Variants in GPC2 observed in about 807,000 individuals in gnomAD.
The protein encoded by GPC2 is glypican-2.
A neutral mutation model predicts 57.3 loss-of-function variants in GPC2; 42 were observed. The observed-to-expected ratio is 0.73, with a 90% confidence interval of 0.57 to 0.95. GPC2 has a LOEUF of 0.95. Ranked by LOEUF, GPC2 falls within the 40% of genes least tolerant of loss-of-function variation. The pLI, the probability that GPC2 is intolerant of heterozygous loss-of-function variation, is 0.00. For synonymous variants in GPC2, 364 were observed against 343.4 expected, an observed-to-expected ratio of 1.06 and a Z score of -0.66; for missense variants, 745 against 793.6, an observed-to-expected ratio of 0.94 and a Z score of 0.74.
chr7:100,175,660 T>G lies in GPC2; in HGVS notation c.560A>C (p.Asp187Ala). 6.2e-7 allele frequency: 1 copy of G among 1,613,926 alleles called. No individual in the cohort carries two copies. Reference sequence around the variant, plus strand: ...CAAGCGTGAGAGGCAGAGCAGGTAGTCAGGGGGGAAGCTGTACTGTGGGTG... The same window carrying G: ...CAAGCGTGAGAGGCAGAGCAGGTAGGCAGGGGGGAAGCTGTACTGTGGGTG... ...LLHPQYSFPP[D>A]YLLCLSRLAS... The change falls in exon 3 of 10, where the codon GAC becomes GCC. Residue 187 changes from aspartate (D) to alanine (A), a missense_variant. Asp to Ala is a moderately radical substitution (Grantham distance 126). Around this residue, in one of 2 missense-constraint regions of GPC2, gnomAD observed 607 missense variants for 603.9 expected, o/e 1.01. Coordinates refer to ENST00000292377, the MANE Select transcript of GPC2 (RefSeq NM_152742.3).
rs751556670 is a variant in GPC2, at chr7:100,177,228, G to C, written c.-29C>G. On this transcript the variant is annotated 5_prime_UTR_variant, in exon 1 of 10. Coordinates refer to ENST00000292377, the MANE Select transcript of GPC2 (RefSeq NM_152742.3). ...TGCAGCCACCCCAGGACGGCAAAGT[G>C]GGTCCTAAGGAGGAAAGCAGAGCCT... The C allele has an allele frequency of 1.3e-4, 206 of 1,582,928 alleles. No individual in the cohort carries two copies. The South Asian group carries it at 2.3e-3, about 17-fold the overall frequency.
chr7:100,172,050 G>A, intron 6 of GPC2, 37 bp downstream of exon 6: 1 of 1,611,468 alleles, frequency 6.2e-7, no homozygotes, highest in Non-Finnish European at 8.5e-7. Context: ...CACCGTCCCC[G>A]CCCCGGGCCT....
intron 5 of GPC2, chr7:100,173,560 G>A (rs756894978): frequency 8.0e-5 from 19 of 236,896 alleles, no homozygotes; most frequent in Non-Finnish European, 1.5e-4. Context: ...CTACAGGCGC[G>A]GGCGCTACCA....
In GPC2 at chr7:100,177,335, C is replaced by G. The variant is rs934260789; in HGVS notation, c.-136G>C. On this transcript the variant is annotated 5_prime_UTR_variant, in exon 1 of 10. Coordinates refer to ENST00000292377, the MANE Select transcript of GPC2 (RefSeq NM_152742.3). ...AGCGCTGCTCCGGAAAACTGAATACCGAGCACGATAGCTGGACCAGGCGGC... is the reference window on the plus strand; with the variant it reads ...AGCGCTGCTCCGGAAAACTGAATACGGAGCACGATAGCTGGACCAGGCGGC... 4.3e-6 allele frequency: 3 copies of G among 695,588 alleles called. No homozygotes were observed. In the South Asian group the frequency reaches 7.1e-5, roughly 16 times the overall value. The allele number at this position is 695,588 out of a possible 1,614,324, so 43.1% of individuals were successfully genotyped here. A position where few individuals can be genotyped will look rare whatever the true frequency, so the allele number is the denominator to read the frequency against.
chr7:100,174,792 A>C, intron 3 of GPC2, 27 bp from the exon 4 acceptor site: 1 of 1,583,986 alleles, frequency 6.3e-7, no homozygotes, highest in Non-Finnish European at 8.7e-7. Flanking sequence ...AAGGTGAGAA[A>C]AACCACAAGG....
At position 100,171,955 on chromosome 7, in the gene GPC2, T is replaced by C. The variant is rs1799186859; in HGVS notation, c.1024-30A>G. Reference sequence around the variant, plus strand: ...GGCACCGGGAAGAGACCTCACACAGTCACCCTGGGGGGAAACCACACTGCG... The same window carrying C: ...GGCACCGGGAAGAGACCTCACACAGCCACCCTGGGGGGAAACCACACTGCG... On this transcript the variant is annotated intron_variant, in intron 6 of 9. Coordinates refer to ENST00000292377, the MANE Select transcript of GPC2 (RefSeq NM_152742.3). This position sits in a 1 kb window ranked among gnomAD's most constrained non-coding sequence, Gnocchi z 4.8. 6.5e-7 allele frequency: 1 copy of C among 1,533,950 alleles called. No homozygotes were observed. Among genetic ancestry groups the C allele is most frequent in the Non-Finnish European group, 8.8e-7 (1 of 1,142,750 alleles).
At chr7:100,172,014 C>T in intron 6 of GPC2, 73 bp downstream of exon 6, 1 of 1,589,634 alleles carries the variant, frequency 6.3e-7, no homozygotes, top group Middle Eastern at 1.7e-4. Context: ...CTTCCCAGAT[C>T]CCCTATACTG....
chr7:100,171,253 G>T lies in GPC2; in HGVS notation c.1486+8C>A. ...CGGGGCTCAGGCTCAGGGATGCAGG[G>T]GTCTCACCCGCGTCCTGCCCGTCCA... On this transcript the variant is annotated splice_region_variant and intron_variant, in intron 9 of 9. Coordinates refer to ENST00000292377, the MANE Select transcript of GPC2 (RefSeq NM_152742.3). The surrounding 1 kb of genome is among the most constrained non-coding windows in gnomAD (Gnocchi z 4.8). 1 of 1,529,294 alleles carries T rather than the reference G, an allele frequency of 6.5e-7. No homozygotes were observed. The highest frequency in any genetic ancestry group is 2.7e-5 in the East Asian group (1 of 37,246). 94.7% of individuals were successfully genotyped at this position (1,529,294 alleles called of 1,614,324 possible). A position where few individuals can be genotyped will look rare whatever the true frequency, so the allele number is the denominator to read the frequency against.
chr7:100,174,621 T>G (rs1562958245), intron 4 of GPC2, 64 bp downstream of exon 4: 5 of 1,213,254 alleles, frequency 4.1e-6, no homozygotes, highest in Non-Finnish European at 6.1e-6. Flanking sequence ...TTCTTCCTTG[T>G]GGGGTCTCTC....
intron 1 of GPC2, among the ~76,000 whole-genome samples, chr7:100,176,735 T>G (rs1799293446): frequency 1.3e-5 from 2 of 152,082 alleles, no homozygotes; most frequent in Non-Finnish European, 1.5e-5. Context: ...TAAAGTATTC[T>G]CATAGAAGGG....
chr7:100,171,854 C>G lies in GPC2; in HGVS notation c.1095G>C (p.Glu365Asp). 1 of 1,552,112 alleles carries G rather than the reference C, an allele frequency of 6.4e-7. No homozygotes were observed. Among genetic ancestry groups the G allele is most frequent in the Non-Finnish European group, 8.6e-7 (1 of 1,157,026 alleles). The change falls in exon 7 of 10, where the codon GAG becomes GAC. Residue 365 changes from glutamate (E) to aspartate (D), a missense_variant. By Grantham distance (45) the Glu-to-Asp change is conservative. Coordinates refer to ENST00000292377, the MANE Select transcript of GPC2 (RefSeq NM_152742.3). The surrounding 1 kb of genome is among the most constrained non-coding windows in gnomAD (Gnocchi z 4.8). ...TCACCATCGACCACAGCCGGCCCGC[C>G]TCTTCCCGGGGCGGCGGGGCTCGAC... is the stretch of plus-strand genomic sequence containing the variant. ...RNRRAPPPREEAGRLWSMVTE... is the reference protein window; with the variant it reads ...RNRRAPPPREDAGRLWSMVTE...
chr7:100,175,714 T>G lies in GPC2; in HGVS notation c.506A>C (p.Gln169Pro). The G allele has an allele frequency of 1.2e-6, 2 of 1,614,114 alleles. No individual in the cohort carries two copies. The highest frequency in any genetic ancestry group is 2.2e-5 in the South Asian group (2 of 91,086). Reference sequence around the variant, plus strand: ...CAGCGGGAACACTCTCTCCAGGAGCTGTGCCCAGAAATCCGCCAGGGTGTC... The same window carrying G: ...CAGCGGGAACACTCTCTCCAGGAGCGGTGCCCAGAAATCCGCCAGGGTGTC... ...LDDTLADFWA[Q>P]LLERVFPLLH... Residue 169 changes from glutamine (Q) to proline (P), a missense_variant, in exon 3 of 10, where the codon CAG becomes CCG. Around this residue, in one of 2 missense-constraint regions of GPC2, gnomAD observed 607 missense variants for 603.9 expected, o/e 1.01. Transcript: ENST00000292377.
Position 100,170,304 on chromosome 7 carries a change from C to T in GPC2, c.1666G>A (p.Ala556Thr), listed in dbSNP as rs1428404736. The change falls in exon 10 of 10, where the codon GCA (alanine) becomes ACA (threonine). Residue 556 changes from alanine to threonine, a missense_variant. Ala to Thr is a moderately conservative substitution (Grantham distance 58). Transcript: ENST00000292377. The part of the protein sequence containing the change: ...YNQGRSRSGG[A>T]SIGFHTQTIL... Reference sequence around the variant, plus strand: ...GTTTGGGTGTGAAAACCAATAGATGCCCCCCCACTCCTGCTCCGGCCCTGG... The same window carrying T: ...GTTTGGGTGTGAAAACCAATAGATGTCCCCCCACTCCTGCTCCGGCCCTGG... 1.0e-5 allele frequency: 16 copies of T among 1,606,422 alleles called. No homozygotes were observed. Among genetic ancestry groups the T allele is most frequent in the South Asian group, 4.5e-5 (4 of 89,432 alleles).
At position 100,177,297 on chromosome 7, in the gene GPC2, G is replaced by C. The variant is rs1046914108; in HGVS notation, c.-98C>G. 1 of 1,087,806 alleles carries C rather than the reference G, an allele frequency of 9.2e-7. No homozygotes were observed. The highest frequency in any genetic ancestry group is 1.3e-6 in the Non-Finnish European group (1 of 778,088). The allele number at this position is 1,087,806 out of a possible 1,614,324, so 67.4% of individuals were successfully genotyped here. A position where few individuals can be genotyped will look rare whatever the true frequency, so the allele number is the denominator to read the frequency against. ...GTACTCGGCCGCGGGACCGCTCCGC[G>C]GGCCAGAGAAAGAGCGCTGCTCCGG... is the stretch of plus-strand genomic sequence containing the variant. On this transcript the variant is annotated 5_prime_UTR_variant, in exon 1 of 10. Coordinates refer to ENST00000292377, the MANE Select transcript of GPC2 (RefSeq NM_152742.3).
chr7:100,174,028 A>G, intron 4 of GPC2, 31 bp from the exon 5 acceptor site: 7 of 1,498,248 alleles, frequency 4.7e-6, no homozygotes, highest in Non-Finnish European at 6.2e-6. Context: ...TGTGTCCTCC[A>G]CAAACGCTGT....
intron 9 of GPC2, 146 bp from the exon 10 acceptor site, chr7:100,170,629 C>T (rs1799161651): frequency 1.5e-6 from 1 of 666,814 alleles, no homozygotes; most frequent in Non-Finnish European, 2.3e-6. Flanking sequence ...GGAGAAAGAC[C>T]ATGAGTGACA....
chr7:100,170,607 G>C (rs1039448739), intron 9 of GPC2, 124 bp from the exon 10 acceptor site: 1 of 911,718 alleles, frequency 1.1e-6, no homozygotes, highest in Non-Finnish European at 1.5e-6. Flanking sequence ...GGTGGATGCC[G>C]GGTTGGGGAA....
At position 100,171,936 on chromosome 7, in the gene GPC2, G is replaced by A. The variant is rs780692114; in HGVS notation, c.1024-11C>T. The A allele has an allele frequency of 1.3e-4, 194 of 1,513,550 alleles. No homozygotes were observed. Among genetic ancestry groups the A allele is most frequent in the Non-Finnish European group, 1.6e-4 (184 of 1,134,482 alleles). 93.8% of individuals were successfully genotyped at this position (1,513,550 alleles called of 1,614,324 possible). On this transcript the variant is annotated splice_polypyrimidine_tract_variant and intron_variant, in intron 6 of 9. Coordinates refer to ENST00000292377, the MANE Select transcript of GPC2 (RefSeq NM_152742.3). This position sits in a 1 kb window ranked among gnomAD's most constrained non-coding sequence, Gnocchi z 4.8. ...GCACTCCTGAAACACCTGCGGCACC[G>A]GGAAGAGACCTCACACAGTCACCCT...
At chr7:100,174,790 A>C in intron 3 of GPC2, 25 bp from the exon 4 acceptor site, 1 of 1,589,110 alleles carries the variant, frequency 6.3e-7, no homozygotes. Context: ...AGAAGGTGAG[A>C]AAAACCACAA....
Sources: allele counts gnomAD v4.1 joint callset (sites outside exome capture counted in the v4.1 genomes callset), GRCh38; gene constraint gnomAD v4.1.1; regional missense constraint gnomAD v4.1.1; non-coding constraint Gnocchi (gnomAD v3.1); transcripts MANE v1.5; gene names NCBI Gene and HGNC (gene_info 2026-07-23, HGNC 2026-07-21).